Variants in KLHL29 observed in about 807,000 individuals in gnomAD.
KLHL29 encodes kelch like family member 29, also known as kelch-like protein 29.
KLHL29 carries 21 observed loss-of-function variants against 80.4 expected under a neutral mutation model. The ratio of observed to expected loss-of-function variants is 0.26; its 90% CI spans 0.19 to 0.38. KLHL29 has a LOEUF of 0.38. Ranked by LOEUF, KLHL29 falls within the 10% of genes least tolerant of loss-of-function variation. The pLI, the probability that KLHL29 is intolerant of heterozygous loss-of-function variation, is 1.00. For synonymous variants in KLHL29, 511 were observed against 526.8 expected (o/e 0.97, Z 0.41); for missense variants, 867 against 1,223.9 (o/e 0.71, Z 4.35).
intron 1 of KLHL29, among the ~76,000 whole-genome samples, chr2:23,428,129 G>A (rs535076889): frequency 8.0e-4 from 122 of 152,304 alleles, no homozygotes; most frequent in African/African-American, 2.8e-3. Context: ...AGCACCTGCC[G>A]CATGGCCTCA....
At chr2:23,607,565 G>A (rs1427422929) in intron 3 of KLHL29, among the ~76,000 whole-genome samples, 1 of 152,134 alleles carries the variant, frequency 6.6e-6, no homozygotes, top group Non-Finnish European at 1.5e-5. Context: ...TAGAGCAGGG[G>A]TCACCCACCC....
chr2:23,607,062 G>A (rs1668746550), intron 3 of KLHL29, among the ~76,000 whole-genome samples: 1 of 152,138 alleles, frequency 6.6e-6, no homozygotes, highest in Non-Finnish European at 1.5e-5. Context: ...CATTGGTGAG[G>A]GCCCCACCCT....
intron 2 of KLHL29, among the ~76,000 whole-genome samples, chr2:23,478,281 G>T (rs1450995659): frequency 3.3e-5 from 5 of 152,138 alleles, no homozygotes; most frequent in Admixed American, 2.0e-4. Context: ...ATGCAGCCTG[G>T]TGCTGGCTGT....
intron 11 of KLHL29, 70 bp from the exon 12 acceptor site, chr2:23,703,116 C>G: frequency 8.5e-7 from 1 of 1,171,834 alleles, no homozygotes; most frequent in Non-Finnish European, 1.1e-6. Flanking sequence ...CAGTTTGCTG[C>G]CCTTGCTTGT....
intron 1 of KLHL29, among the ~76,000 whole-genome samples, chr2:23,448,213 G>A (rs1168165047): frequency 6.6e-6 from 1 of 152,048 alleles, no homozygotes; most frequent in Non-Finnish European, 1.5e-5. Flanking sequence ...CCAGTCCCCA[G>A]AGTTTGTCAA....
intron 2 of KLHL29, among the ~76,000 whole-genome samples, chr2:23,547,963 A>G (rs1667020419): frequency 6.6e-6 from 1 of 152,126 alleles, no homozygotes; most frequent in Non-Finnish European, 1.5e-5. Context: ...CCACTGGGAA[A>G]AGAGAGTGGT....
At chr2:23,507,715 T>G (rs1709326) in intron 2 of KLHL29, among the ~76,000 whole-genome samples, 59,156 of 152,018 alleles carry the variant, frequency 0.39, 11,947 homozygotes, top group Middle Eastern at 0.43. Flanking sequence ...GCCTGACCTT[T>G]GGAAATTCAC....
At chr2:23,622,748 T>G (rs1368536976) in intron 3 of KLHL29, among the ~76,000 whole-genome samples, 2 of 152,236 alleles carry the variant, frequency 1.3e-5, no homozygotes, top group Non-Finnish European at 2.9e-5. Context: ...GCCATCTGCA[T>G]GGGTAATAAC....
intron 5 of KLHL29, among the ~76,000 whole-genome samples, chr2:23,671,601 G>C (rs572082720): frequency 2.0e-5 from 3 of 152,324 alleles, no homozygotes; most frequent in East Asian, 1.9e-4. Flanking sequence ...CTGTGGGTCT[G>C]CAGCTTTGGA....
At chr2:23,559,162 A>G (rs1456351064) in intron 2 of KLHL29, among the ~76,000 whole-genome samples, 1 of 152,016 alleles carries the variant, frequency 6.6e-6, no homozygotes, top group Non-Finnish European at 1.5e-5. Flanking sequence ...GTGGACTTGG[A>G]CCCTGAGCTG....
chr2:23,581,869 C>T (rs1667993217), intron 3 of KLHL29, among the ~76,000 whole-genome samples: 1 of 147,662 alleles, frequency 6.8e-6, no homozygotes, highest in African/African-American at 2.5e-5. Flanking sequence ...GTTCAGGGTT[C>T]ATTGTGCCGT....
chr2:23,537,199 G>A (rs1373304029), intron 2 of KLHL29, among the ~76,000 whole-genome samples: 1 of 152,126 alleles, frequency 6.6e-6, no homozygotes, highest in Admixed American at 6.5e-5. Flanking sequence ...TAATTCAGTT[G>A]GTGGGTGCCA....
intron 3 of KLHL29, among the ~76,000 whole-genome samples, chr2:23,576,504 C>A (rs1472414951): frequency 6.6e-6 from 1 of 152,074 alleles, no homozygotes; most frequent in African/African-American, 2.4e-5. Flanking sequence ...ATTAAAAAGG[C>A]GTTCTGAATT....
chr2:23,459,306 G>C (rs1219241953), intron 1 of KLHL29, among the ~76,000 whole-genome samples: 1 of 152,166 alleles, frequency 6.6e-6, no homozygotes, highest in Non-Finnish European at 1.5e-5. Context: ...CAGATAAGTA[G>C]GTGAGATGTA....
rs72851334 is a variant in KLHL29, at chr2:23,700,691, A to C, written c.2106-2495A>C. Among the ~76,000 whole-genome samples, 1,579 of 152,250 alleles carry C rather than the reference A, an allele frequency of 0.01. 25 individuals carry two copies. The highest frequency in any genetic ancestry group is 0.037 in the African/African-American group (1,526 of 41,528). ...TACCTTCTGTGCCTCTTCACAGCTA[A>C]ATTTCTTCCAAAAGAAGTCTACACC... On this transcript the variant is annotated intron_variant, in intron 11 of 13. Transcript: ENST00000486442. This position sits in a 1 kb window ranked among gnomAD's most constrained non-coding sequence, Gnocchi z 4.6.
rs1671062837 is a variant in KLHL29 at position 23,680,761 on chromosome 2, C to T, written c.941-3638C>T. ...CCCTGGGGTCTCTAGGCCATCTTCT[C>T]CTGGGGTCTCTAGGCCATCTTCTCC... On this transcript the variant is annotated intron_variant, in intron 5 of 13. Coordinates refer to ENST00000486442, the MANE Select transcript of KLHL29 (RefSeq NM_052920.2). The surrounding 1 kb of genome is among the most constrained non-coding windows in gnomAD (Gnocchi z 4.1). Among the ~76,000 whole-genome samples, 1 of 151,624 alleles carries T rather than the reference C, an allele frequency of 6.6e-6. No homozygotes were observed.
At chr2:23,450,517 G>GC (rs1204932855) in intron 1 of KLHL29, among the ~76,000 whole-genome samples, 1 of 152,058 alleles carries the variant, frequency 6.6e-6, no homozygotes, top group East Asian at 1.9e-4. Flanking sequence ...ATTAGGGGCT[G>GC]CCCCCAAGAC....
intron 3 of KLHL29, among the ~76,000 whole-genome samples, chr2:23,583,214 G>T (rs1261826571): frequency 2.0e-5 from 3 of 152,192 alleles, no homozygotes; most frequent in Non-Finnish European, 4.4e-5. Context: ...CCACTGTGTG[G>T]TCGTTTGTTG....
At chr2:23,664,921 C>G (rs1670512310) in intron 5 of KLHL29, among the ~76,000 whole-genome samples, 2 of 152,230 alleles carry the variant, frequency 1.3e-5, no homozygotes, top group Non-Finnish European at 2.9e-5. Flanking sequence ...TAGGGAATCT[C>G]CCAAACAGCC....
Sources: allele counts gnomAD v4.1 joint callset (sites outside exome capture counted in the v4.1 genomes callset), GRCh38; gene constraint gnomAD v4.1.1; non-coding constraint Gnocchi (gnomAD v3.1); transcripts MANE v1.5; gene names NCBI Gene and HGNC (gene_info 2026-07-23, HGNC 2026-07-21).